SLC1A7: variants seen among roughly 807,000 people sequenced by gnomAD.
SLC1A7 encodes solute carrier family 1 member 7, also known as excitatory amino acid transporter 5.
SLC1A7 carries 40 observed loss-of-function variants against 47.7 expected under a neutral mutation model. The ratio of observed to expected loss-of-function variants is 0.84; its 90% confidence interval spans 0.65 to 1.09. The LOEUF (loss-of-function observed/expected upper bound fraction) is 1.09, where lower values mean the gene tolerates loss of function less well. Among genes scored for constraint, SLC1A7 ranks in the 50% least tolerant of loss-of-function variants. SLC1A7 has a pLI of 0.00. For synonymous variants in SLC1A7, 323 were observed against 325.6 expected, an observed-to-expected ratio of 0.99 and a Z score of 0.09; for missense variants, 746 against 769.5, an observed-to-expected ratio of 0.97 and a Z score of 0.36.
chr1:53,130,942 G>A (rs1644936327), intron 2 of SLC1A7, among the ~76,000 whole-genome samples: 2 of 152,096 alleles, frequency 1.3e-5, no homozygotes, highest in Non-Finnish European at 2.9e-5. Context: ...AGGAGGGAGA[G>A]TTCAGGAACG....
chr1:53,098,156 A>C (rs1644522278), intron 5 of SLC1A7, among the ~76,000 whole-genome samples: 1 of 149,316 alleles, frequency 6.7e-6, no homozygotes, highest in African/African-American at 2.5e-5. Context: ...TGGTAAACTC[A>C]CACACCCCGC....
At chr1:53,135,014 A>AG (rs1296140651) in intron 1 of SLC1A7, among the ~76,000 whole-genome samples, 45 of 152,044 alleles carry the variant, frequency 3.0e-4, no homozygotes, top group African/African-American at 1.1e-3. Context: ...ATGGCGGATA[A>AG]GGGGGGACTG....
chr1:53,107,413 A>G (rs1644656082), intron 3 of SLC1A7, among the ~76,000 whole-genome samples: 1 of 152,182 alleles, frequency 6.6e-6, no homozygotes, highest in Admixed American at 6.5e-5. Context: ...CTTAGTTAAT[A>G]GTGTTGTACC....
chr1:53,123,016 G>A (rs1226967669), intron 2 of SLC1A7, among the ~76,000 whole-genome samples: 1 of 151,996 alleles, frequency 6.6e-6, no homozygotes, highest in Non-Finnish European at 1.5e-5. Flanking sequence ...TCCCAGGCCT[G>A]GGTGCCAAGA....
intron 3 of SLC1A7, among the ~76,000 whole-genome samples, chr1:53,111,592 G>T (rs1370324611): frequency 6.6e-6 from 1 of 152,196 alleles, no homozygotes; most frequent in Non-Finnish European, 1.5e-5. Context: ...CACAGAATTT[G>T]CTGAGGAACT....
At chr1:53,127,410 C>T (rs1644894721) in intron 2 of SLC1A7, among the ~76,000 whole-genome samples, 1 of 152,154 alleles carries the variant, frequency 6.6e-6, no homozygotes, top group South Asian at 2.1e-4. Context: ...CAACCCAAGC[C>T]GGCTCCAGGG....
rs1384312957 is a variant in SLC1A7, at chr1:53,105,831, G to C, written c.432-57C>G. The C allele has an allele frequency of 2.1e-5, 31 of 1,480,668 alleles. 1 individual carries two copies. The South Asian group carries it at 3.1e-4, about 15-fold the overall frequency. 91.7% of individuals were successfully genotyped at this position (1,480,668 alleles called of 1,614,324 possible). On this transcript the variant is annotated intron_variant, in intron 3 of 10. Coordinates refer to ENST00000371494, the MANE Select transcript of SLC1A7 (RefSeq NM_006671.6). The stretch of plus-strand genomic sequence containing the variant: ...AGAGCCCAGGACAGGAGGGCCCTGG[G>C]GGTTGTGGCCTTGGGGTCATCTGGA...
At position 53,088,947 on chromosome 1, in the gene SLC1A7, C is replaced by T; in HGVS notation, c.1394G>A (p.Gly465Asp). 6.2e-7 allele frequency: 1 copy of T among 1,614,138 alleles called. No homozygotes were observed. Among genetic ancestry groups the T allele is most frequent in the Non-Finnish European group, 8.5e-7 (1 of 1,180,024 alleles). ...DRFRTMINVL[G>D]DALAAGIMAH... The stretch of plus-strand genomic sequence containing the variant: ...CATGATCCCCGCTGCCAGCGCATCA[C>T]CCAGCACGTTAATCATGGTGCGGAA... The change falls in exon 10 of 11, where the codon GGT (glycine) becomes GAT (aspartate). Residue 465 changes from glycine (G) to aspartate (D), a missense_variant. By Grantham distance (94) the Gly-to-Asp change is moderately conservative. Coordinates refer to ENST00000371494, the MANE Select transcript of SLC1A7 (RefSeq NM_006671.6).
chr1:53,118,860 G>T (rs1210020329), intron 2 of SLC1A7, among the ~76,000 whole-genome samples: 1 of 152,122 alleles, frequency 6.6e-6, no homozygotes, highest in Non-Finnish European at 1.5e-5. Context: ...AGCCAGGTGT[G>T]GTGGCGCATG....
rs34431109 is a variant in SLC1A7, at chr1:53,096,206, G to C, written c.698-2646C>G. ...ACATGCCCCACGTTGTTACTTTCACGCGCCTAGCCTCGATACACTCACACA... is the reference window on the plus strand; with the variant it reads ...ACATGCCCCACGTTGTTACTTTCACCCGCCTAGCCTCGATACACTCACACA... On this transcript the variant is annotated intron_variant, in intron 5 of 10. Coordinates refer to ENST00000371494, the MANE Select transcript of SLC1A7 (RefSeq NM_006671.6). 2.2e-5 allele frequency among the ~76,000 whole-genome samples: 3 copies of C among 133,842 alleles called. No individual in the cohort carries two copies. In the East Asian group the frequency reaches 7.4e-4, roughly 33 times the overall value. The allele number at this position is 133,842 out of a possible 152,430, so 87.8% of individuals were successfully genotyped here.
At chr1:53,101,805 C>G (rs1644585989) in intron 5 of SLC1A7, among the ~76,000 whole-genome samples, 1 of 151,516 alleles carries the variant, frequency 6.6e-6, no homozygotes, top group Admixed American at 6.6e-5. Context: ...CCTTGGTACA[C>G]TTACACACCG....
chr1:53,125,387 C>A (rs1001226998), intron 2 of SLC1A7, among the ~76,000 whole-genome samples: 17 of 152,278 alleles, frequency 1.1e-4, no homozygotes, highest in African/African-American at 4.1e-4. Context: ...TTGATGAATG[C>A]CTCCTCCTTG....
At chr1:53,094,905 T>C (rs548941934) in intron 5 of SLC1A7, among the ~76,000 whole-genome samples, 1 of 152,176 alleles carries the variant, frequency 6.6e-6, no homozygotes, top group African/African-American at 2.4e-5. Context: ...ACCAGCCACA[T>C]CCCAGGGATG....
chr1:53,098,346 TCA>T (rs754222176), intron 5 of SLC1A7, among the ~76,000 whole-genome samples: 6 of 141,012 alleles, frequency 4.3e-5, no homozygotes, highest in Non-Finnish European at 9.1e-5. Context: ...CTTGCTACAC[TCA>T]CACACCCCAC....
At chr1:53,119,818 G>A (rs1431352024) in intron 2 of SLC1A7, among the ~76,000 whole-genome samples, 2 of 152,202 alleles carry the variant, frequency 1.3e-5, no homozygotes, top group African/African-American at 4.8e-5. Flanking sequence ...GCTAGATGGA[G>A]GCTTCCAGAT....
chr1:53,093,491 G>A lies in SLC1A7; in HGVS notation c.767C>T (p.Ser256Leu), dbSNP rs775058993. ...AGCCACCGCCACGATCTTCATGACC[G>A]ACTCATTGAGGCACTGGCAGAAGCT... The part of the protein sequence containing the change: ...LVSFCQCLNE[S>L]VMKIVAVAVW... Residue 256 changes from serine to leucine, a missense_variant, in exon 6 of 11, where the codon TCG (serine) becomes TTG (leucine). Coordinates refer to ENST00000371494, the MANE Select transcript of SLC1A7 (RefSeq NM_006671.6). 14 of 1,611,146 alleles carry A rather than the reference G, an allele frequency of 8.7e-6. No homozygotes were observed. Among genetic ancestry groups the A allele is most frequent in the East Asian group, 2.2e-5 (1 of 44,836 alleles).
chr1:53,123,427 C>T (rs531678534), intron 2 of SLC1A7, among the ~76,000 whole-genome samples: 120 of 152,336 alleles, frequency 7.9e-4, no homozygotes, highest in African/African-American at 2.8e-3. Context: ...CCCACCTTCC[C>T]AGGCTCTGAG....
At chr1:53,096,824 C>T (rs570613839) in intron 5 of SLC1A7, among the ~76,000 whole-genome samples, 1 of 151,408 alleles carries the variant, frequency 6.6e-6, no homozygotes, top group South Asian at 2.1e-4. Flanking sequence ...CTCACAGATA[C>T]CACCTCAGAA....
intron 6 of SLC1A7, 122 bp downstream of exon 6, chr1:53,093,339 G>A (rs1644446739): frequency 1.1e-5 from 9 of 799,148 alleles, no homozygotes; most frequent in South Asian, 1.7e-5. Flanking sequence ...CGGAGGCCCC[G>A]GCCCAGGGCT....
Sources: gnomAD v4.1 joint callset for allele counts (sites outside exome capture counted in the v4.1 genomes callset) on GRCh38, gnomAD v4.1.1 for gene constraint, MANE v1.5 for transcripts, NCBI Gene and HGNC (gene_info 2026-07-23, HGNC 2026-07-21) for gene names.